NFATC4: variants seen among roughly 807,000 people sequenced by gnomAD.
NFATC4 encodes nuclear factor of activated T cells 4.
NFATC4 carries 25 observed loss-of-function variants against 73.4 expected under a neutral mutation model. The observed-to-expected ratio is 0.34, with a 90% CI of 0.25 to 0.48. The LOEUF is 0.48. Ranked by LOEUF, NFATC4 falls within the 20% of genes least tolerant of loss-of-function variation. NFATC4 has a pLI of 0.99. For synonymous variants in NFATC4, 523 were observed against 510.3 expected (o/e 1.02, Z -0.34); for missense variants, 1,130 against 1,203.7 (o/e 0.94, Z 0.91).
chr14:24,373,745 G>A lies in NFATC4; in HGVS notation c.1610G>A (p.Arg537Gln), dbSNP rs775517670. Residue 537 changes from arginine (R) to glutamine (Q), a missense_variant, in exon 5 of 10, where the codon CGG (arginine) becomes CAG (glutamine). Coordinates refer to ENST00000250373, the MANE Select transcript of NFATC4 (RefSeq NM_004554.5). The surrounding 1 kb of genome is among the most constrained non-coding windows in gnomAD (Gnocchi z 4.7). ...CTTCGGAATTCAGACATTGAGCTTCGGAAGGGTGAGACGGACATCGGGCGC... is the reference window on the plus strand; with the variant it reads ...CTTCGGAATTCAGACATTGAGCTTCAGAAGGGTGAGACGGACATCGGGCGC... ...LKLRNSDIEL[R>Q]KGETDIGRKN... 21 of 1,613,652 alleles carry A rather than the reference G, an allele frequency of 1.3e-5. No individual in the cohort carries two copies. Among genetic ancestry groups the A allele is most frequent in the Non-Finnish European group, 1.5e-5 (18 of 1,179,704 alleles).
At chr14:24,375,948 C>A (rs12880769) in intron 7 of NFATC4, 27 bp from the exon 8 acceptor site, 878,328 of 1,612,864 alleles carry the variant, frequency 0.54, 253,034 homozygotes, top group Middle Eastern at 0.61. Context: ...CCCGAGGGCT[C>A]CCTGCCTCAT....
In NFATC4 at chr14:24,373,218, C is replaced by T; in HGVS notation, c.1407C>T (p.Gly469=). Residue 469 remains glycine (G), a synonymous_variant, in exon 4 of 10, where the codon GGC becomes GGT. Transcript: ENST00000250373. This position sits in a 1 kb window ranked among gnomAD's most constrained non-coding sequence, Gnocchi z 4.7. Reference sequence around the variant, plus strand: ...CACTGACCCTACAGATGTTCATCGGCACTGCAGATGAAAGGAACCTGCGGC... The same window carrying T: ...CACTGACCCTACAGATGTTCATCGGTACTGCAGATGAAAGGAACCTGCGGC... ...EKPLTLQMFI[G]TADERNLRPH... is the part of the protein sequence containing the mutation. 1 of 1,614,210 alleles carries T rather than the reference C, an allele frequency of 6.2e-7. No homozygotes were observed. Among genetic ancestry groups the T allele is most frequent in the Non-Finnish European group, 8.5e-7 (1 of 1,180,052 alleles).
At chr14:24,372,872 G>T in intron 3 of NFATC4, 1 of 603,122 alleles carries the variant, frequency 1.7e-6, no homozygotes. Context: ...ATGGGGGAGG[G>T]TTTAGGCTGA....
In NFATC4 at chr14:24,368,407, G is replaced by C. The variant is rs772360979; in HGVS notation, c.67G>C (p.Ala23Pro). 1.5e-6 allele frequency: 2 copies of C among 1,349,624 alleles called. No homozygotes were observed. Among genetic ancestry groups the C allele is most frequent in the Non-Finnish European group, 9.5e-7 (1 of 1,048,926 alleles). The allele number at this position is 1,349,624 out of a possible 1,614,324, so 83.6% of individuals were successfully genotyped here. ...GCTGGTGTTCGGGGAGGAAAAGGAGGCCCCCCCGCTGGGCGCGGGGGGATT... is the reference window on the plus strand; with the variant it reads ...GCTGGTGTTCGGGGAGGAAAAGGAGCCCCCCCCGCTGGGCGCGGGGGGATT... The part of the protein sequence containing the change: ...FKLVFGEEKE[A>P]PPLGAGGLGE... Residue 23 changes from alanine (A) to proline (P), a missense_variant, in exon 1 of 10, where the codon GCC becomes CCC. Ala to Pro is a conservative substitution (Grantham distance 27, BLOSUM62 -1). Transcript: ENST00000250373.
Position 24,370,293 on chromosome 14 carries a change from C to G in NFATC4, c.895C>G (p.Pro299Ala). ...GGGGGAAGAGGGGTCTGAGCCACCT[C>G]CACCACCCCCATTGCCTCTGGCCCG... ...SLGEEGSEPP[P>A]PPPLPLARDP... Residue 299 changes from proline (P) to alanine (A), a missense_variant, in exon 2 of 10, where the codon CCA (proline) becomes GCA (alanine). This residue lies in a region of NFATC4 where 585 missense variants were observed against 574.3 expected (regional missense o/e 1.02). Transcript: ENST00000250373. 1.2e-5 allele frequency: 19 copies of G among 1,611,606 alleles called. No individual in the cohort carries two copies. The highest frequency in any genetic ancestry group is 1.6e-5 in the Non-Finnish European group (19 of 1,178,510).
Position 24,374,445 on chromosome 14 carries a change from G to A in NFATC4, c.1852G>A (p.Val618Met). The stretch of plus-strand genomic sequence containing the variant: ...CAACTTCCTGCCAGACTCCAAGGTG[G>A]TGTTCATTGAGAGGGGTCCTGGTGA... ...GSNFLPDSKV[V>M]FIERGPDGKL... is the part of the protein sequence containing the mutation. The change falls in exon 6 of 10, where the codon GTG becomes ATG. Residue 618 changes from valine (V) to methionine (M), a missense_variant. Coordinates refer to ENST00000250373, the MANE Select transcript of NFATC4 (RefSeq NM_004554.5). 6.2e-7 allele frequency: 1 copy of A among 1,613,800 alleles called. No individual in the cohort carries two copies. Among genetic ancestry groups the A allele is most frequent in the Non-Finnish European group, 8.5e-7 (1 of 1,179,794 alleles).
Position 24,369,825 on chromosome 14 carries a change from C to T in NFATC4, c.427C>T (p.Pro143Ser), listed in dbSNP as rs1022909658. ...CCCTGATGCCTGGGGGGACGGCTCT[C>T]CTAGAGATTACCCCCCACCAGAAGG... ...DNPDAWGDGSPRDYPPPEGFG... is the reference protein window; with the variant it reads ...DNPDAWGDGSSRDYPPPEGFG... Residue 143 changes from proline to serine, a missense_variant, in exon 2 of 10, where the codon CCT (proline) becomes TCT (serine). By Grantham distance (74) the Pro-to-Ser change is moderately conservative. Transcript: ENST00000250373. 1.2e-6 allele frequency: 2 copies of T among 1,602,510 alleles called. No homozygotes were observed. The highest frequency in any genetic ancestry group is 1.7e-5 in the Admixed American group (1 of 58,126).
Position 24,369,217 on chromosome 14 carries a change from C to T in NFATC4, c.101-282C>T, listed in dbSNP as rs2042393799. The T allele has an allele frequency of 4.6e-6, 7 of 1,532,670 alleles. No homozygotes were observed. In the East Asian group the frequency reaches 1.7e-4, roughly 37 times the overall value. The allele number at this position is 1,532,670 out of a possible 1,614,324, so 94.9% of individuals were successfully genotyped here. Reference sequence around the variant, plus strand: ...AACACGCCTCCAGGCCCAGCCCCAGCTCCAGCCCCTCTGGACCCACCTCTC... The same window carrying T: ...AACACGCCTCCAGGCCCAGCCCCAGTTCCAGCCCCTCTGGACCCACCTCTC... On this transcript the variant is annotated intron_variant, in intron 1 of 9. Transcript: ENST00000250373.
At chr14:24,367,248 G>T (rs758249361), upstream of NFATC4, 10 of 1,601,588 alleles carry the variant, frequency 6.2e-6, no homozygotes, top group African/African-American at 4.0e-5. Context: ...GGGCGGGGGG[G>T]CCAAGGAGGG....
chr14:24,367,180 C>T (rs373639781), upstream of NFATC4: 19 of 1,613,876 alleles, frequency 1.2e-5, no homozygotes, highest in Non-Finnish European at 1.4e-5. Context: ...TTCCCGGAAA[C>T]TCCAGTCCAG....
At position 24,368,309 on chromosome 14, in the gene NFATC4, C is replaced by A; in HGVS notation, c.-32C>A. 3 of 1,383,838 alleles carry A rather than the reference C, an allele frequency of 2.2e-6. No homozygotes were observed. Among genetic ancestry groups the A allele is most frequent in the Non-Finnish European group, 2.8e-6 (3 of 1,069,668 alleles). 85.7% of individuals were successfully genotyped at this position (1,383,838 alleles called of 1,614,324 possible). ...GCCTCCTGAACTCCCCCCTCCCACC[C>A]AGGCCGGGACCTGGGGGCTCCTGCC... is the stretch of plus-strand genomic sequence containing the variant. On this transcript the variant is annotated 5_prime_UTR_variant, in exon 1 of 10. Coordinates refer to ENST00000250373, the MANE Select transcript of NFATC4 (RefSeq NM_004554.5).
chr14:24,376,394 G>A lies in NFATC4; in HGVS notation c.2157G>A (p.Arg719=). ...FGTDMDFSPP[R]PPYPSYPHED... ...CTGACATGGACTTCTCACCACCCAG[G>A]CCCCCCTACCCCTCCTATCCCCATG... Residue 719 remains arginine (R), a synonymous_variant, in exon 9 of 10, where the codon AGG becomes AGA. Coordinates refer to ENST00000250373, the MANE Select transcript of NFATC4 (RefSeq NM_004554.5). The surrounding 1 kb of genome is among the most constrained non-coding windows in gnomAD (Gnocchi z 5.0). The A allele has an allele frequency of 6.2e-7, 1 of 1,613,164 alleles. No homozygotes were observed. The highest frequency in any genetic ancestry group is 8.5e-7 in the Non-Finnish European group (1 of 1,179,566).
At chr14:24,371,447 AC>A (rs764275038) in intron 2 of NFATC4, among the ~76,000 whole-genome samples, 3 of 152,170 alleles carry the variant, frequency 2.0e-5, no homozygotes, top group Admixed American at 6.5e-5. Flanking sequence ...AGTTGGGAAA[AC>A]CAAAAATGTC....
chr14:24,367,276 C>T (rs768731725), upstream of NFATC4: 337 of 1,589,108 alleles, frequency 2.1e-4, no homozygotes, highest in Non-Finnish European at 2.6e-4. Context: ...GAGGGGAACC[C>T]ACAGGGTCCG....
Position 24,370,332 on chromosome 14 carries a change from C to T in NFATC4, c.934C>T (p.Pro312Ser). Reference protein sequence around the residue: ...PLPLARDPGSPGPFDYVGAPP... With the variant: ...PLPLARDPGSSGPFDYVGAPP... ...GCCTCTGGCCCGGGACCCGGGCTCC[C>T]CTGGTCCCTTTGACTATGTGGGGGC... Residue 312 changes from proline (P) to serine (S), a missense_variant, in exon 2 of 10, where the codon CCT becomes TCT. By Grantham distance (74) the Pro-to-Ser change is moderately conservative (BLOSUM62 -1). Coordinates refer to ENST00000250373, the MANE Select transcript of NFATC4 (RefSeq NM_004554.5). 1 of 1,613,330 alleles carries T rather than the reference C, an allele frequency of 6.2e-7. No homozygotes were observed. The highest frequency in any genetic ancestry group is 8.5e-7 in the Non-Finnish European group (1 of 1,179,692).
intron 3 of NFATC4, 66 bp downstream of exon 3, chr14:24,372,669 A>C: frequency 1.9e-6 from 3 of 1,587,538 alleles, no homozygotes; most frequent in Non-Finnish European, 2.6e-6. Context: ...CTATGCAGAC[A>C]CATGGCACTG....
chr14:24,371,480 G>T (rs1201838577), intron 2 of NFATC4, among the ~76,000 whole-genome samples: 2 of 152,158 alleles, frequency 1.3e-5, no homozygotes, highest in Non-Finnish European at 2.9e-5. Flanking sequence ...CCAAATATCT[G>T]GGCAATTACT....
chr14:24,375,491 C>T (rs553426219), intron 6 of NFATC4, among the ~76,000 whole-genome samples, 169 bp from the exon 7 acceptor site: 1 of 152,278 alleles, frequency 6.6e-6, no homozygotes, highest in Admixed American at 6.5e-5. Flanking sequence ...TTAAACCCTA[C>T]CTCTTCCACT....
At chr14:24,369,313 A>G in intron 1 of NFATC4, 186 bp from the exon 2 acceptor site, 1 of 1,584,808 alleles carries the variant, frequency 6.3e-7, no homozygotes. Context: ...AAGGCCTGGC[A>G]TGCCTGCTTC....
Sources: allele counts gnomAD v4.1 joint callset (sites outside exome capture counted in the v4.1 genomes callset), GRCh38; gene constraint gnomAD v4.1.1; regional missense constraint gnomAD v4.1.1; non-coding constraint Gnocchi (gnomAD v3.1); transcripts MANE v1.5; gene names NCBI Gene and HGNC (gene_info 2026-07-23, HGNC 2026-07-21).